The following TBC1D19 variants were observed in gnomAD, a reference collection of about 807,000 sequenced individuals.
TBC1D19 encodes TBC1 domain family, member 19.
In TBC1D19, 60 loss-of-function variants were observed where a neutral mutation model predicts 89.0. That is an observed-to-expected ratio of 0.67 (90% CI 0.55 to 0.84). The LOEUF is 0.84. Among genes scored for constraint, TBC1D19 ranks in the 40% least tolerant of loss-of-function variants. The probability of loss-of-function intolerance (pLI) is 0.00; values close to 1 mark genes in which losing one functional copy is unlikely to be tolerated. For synonymous variants in TBC1D19, 189 were observed against 199.7 expected (o/e 0.95, Z 0.45); for missense variants, 500 against 610.8 (o/e 0.82, Z 1.91).
chr4:26,777,251 C>T, the TBC1D19 span, among the ~76,000 whole-genome samples: 1 of 151,496 alleles, frequency 6.6e-6, no homozygotes, highest in East Asian at 1.9e-4. Flanking sequence ...TCTCCTGTCT[C>T]AGCCTCCTGA....
At chr4:26,733,513 A>G (rs1200402718) in intron 15 of TBC1D19, among the ~76,000 whole-genome samples, 1 of 152,170 alleles carries the variant, frequency 6.6e-6, no homozygotes, top group East Asian at 1.9e-4. Flanking sequence ...GATGAACCCA[A>G]CCAAGTCTGT....
chr4:26,688,312 G>A (rs1431899353), intron 12 of TBC1D19, 33 bp from the exon 13 acceptor site: 2 of 1,555,434 alleles, frequency 1.3e-6, no homozygotes, highest in African/African-American at 2.7e-5. Context: ...ATCTGTTTGA[G>A]TTCTTTTCAG....
intron 7 of TBC1D19, among the ~76,000 whole-genome samples, chr4:26,658,120 T>C (rs1744982896): frequency 6.6e-6 from 1 of 152,244 alleles, no homozygotes; most frequent in Non-Finnish European, 1.5e-5. Context: ...TTGGCTTTTG[T>C]TGCCATTGCT....
intron 1 of TBC1D19, among the ~76,000 whole-genome samples, chr4:26,592,299 A>G (rs1739869663): frequency 6.6e-6 from 1 of 152,240 alleles, no homozygotes. Flanking sequence ...CCTTCATGCT[A>G]AAAACTCTCA....
At chr4:26,684,518 G>T (rs1042233337) in intron 12 of TBC1D19, among the ~76,000 whole-genome samples, 17 of 152,254 alleles carry the variant, frequency 1.1e-4, no homozygotes, top group African/African-American at 3.9e-4. Flanking sequence ...CTCAGGTTAC[G>T]TGACCTTCAA....
At chr4:26,720,318 G>A (rs1242534070) in intron 15 of TBC1D19, among the ~76,000 whole-genome samples, 193 bp downstream of exon 15, 1 of 152,074 alleles carries the variant, frequency 6.6e-6, no homozygotes, top group Non-Finnish European at 1.5e-5. Flanking sequence ...TACTCTCTCT[G>A]ATTCTCCCTG....
At chr4:26,800,420 G>A in the TBC1D19 span, among the ~76,000 whole-genome samples, 1 of 152,190 alleles carries the variant, frequency 6.6e-6, no homozygotes, top group Admixed American at 6.5e-5. Flanking sequence ...GGACATTTGG[G>A]TTGGCTCCAA....
intron 1 of TBC1D19, among the ~76,000 whole-genome samples, chr4:26,599,310 A>C (rs1373290489): frequency 1.3e-5 from 2 of 152,194 alleles, no homozygotes; most frequent in South Asian, 2.1e-4. Context: ...GTTTGTTACA[A>C]GCCTTTTAAA....
intron 1 of TBC1D19, among the ~76,000 whole-genome samples, chr4:26,610,470 G>C (rs1741300066): frequency 8.0e-6 from 1 of 124,902 alleles, no homozygotes; most frequent in African/African-American, 3.1e-5. Flanking sequence ...TTAACTTTTA[G>C]TTTCAGGGGC....
At chr4:26,816,397 G>C in the TBC1D19 span, among the ~76,000 whole-genome samples, 2 of 152,090 alleles carry the variant, frequency 1.3e-5, no homozygotes, top group African/African-American at 4.8e-5. Context: ...AACTGATTCT[G>C]GCAGAGGTTT....
At chr4:26,785,422 A>G in the TBC1D19 span, among the ~76,000 whole-genome samples, 1 of 152,386 alleles carries the variant, frequency 6.6e-6, no homozygotes, top group East Asian at 1.9e-4. Flanking sequence ...ATGAAGTCCA[A>G]CAATGTACAT....
intron 13 of TBC1D19, among the ~76,000 whole-genome samples, chr4:26,691,549 A>G (rs1714294015): frequency 6.6e-6 from 1 of 152,200 alleles, no homozygotes; most frequent in African/African-American, 2.4e-5. Flanking sequence ...TCCACCAACA[A>G]GATTACAGCC....
intron 13 of TBC1D19, 30 bp from the exon 14 acceptor site, chr4:26,717,903 T>G (rs1187753424): frequency 6.5e-7 from 1 of 1,547,956 alleles, no homozygotes; most frequent in African/African-American, 1.4e-5. Context: ...TAGTGCTTAA[T>G]TGCTATTTTT....
chr4:26,657,893 G>A (rs1409774613), intron 7 of TBC1D19, among the ~76,000 whole-genome samples: 1 of 152,188 alleles, frequency 6.6e-6, no homozygotes, highest in African/African-American at 2.4e-5. Context: ...CTTTTGAGAA[G>A]TGTCTGTTCA....
At chr4:26,658,501 A>G (rs1745020076) in intron 7 of TBC1D19, among the ~76,000 whole-genome samples, 1 of 152,122 alleles carries the variant, frequency 6.6e-6, no homozygotes, top group Admixed American at 6.5e-5. Context: ...CTTGTAGTAT[A>G]GTTTGAAGTT....
intron 8 of TBC1D19, among the ~76,000 whole-genome samples, chr4:26,662,035 C>T (rs1577897385): frequency 1.3e-5 from 2 of 152,112 alleles, no homozygotes; most frequent in Admixed American, 6.6e-5. Context: ...TTTCAGATGT[C>T]GTTTACCAGT....
chr4:26,810,103 A>G, the TBC1D19 span, among the ~76,000 whole-genome samples: 1 of 152,180 alleles, frequency 6.6e-6, no homozygotes. Context: ...AGCAGCCTCC[A>G]AACAATGGCT....
At chr4:26,656,231 A>C (rs1744793016) in intron 7 of TBC1D19, among the ~76,000 whole-genome samples, 1 of 152,122 alleles carries the variant, frequency 6.6e-6, no homozygotes, top group Non-Finnish European at 1.5e-5. Context: ...ATTTGAAATA[A>C]AATAACACAC....
intron 19 of TBC1D19, among the ~76,000 whole-genome samples, chr4:26,749,430 T>C (rs1240965459): frequency 6.8e-6 from 1 of 147,452 alleles, no homozygotes; most frequent in Non-Finnish European, 1.5e-5. Context: ...CTAGGTATCA[T>C]ATTAACATAT....
Sources: allele counts gnomAD v4.1 joint callset (sites outside exome capture counted in the v4.1 genomes callset), GRCh38; gene constraint gnomAD v4.1.1; transcripts MANE v1.5; gene names NCBI Gene and HGNC (gene_info 2026-07-23, HGNC 2026-07-21).